Variants in ZNF385B observed in about 807,000 individuals in gnomAD.
ZNF385B encodes the protein zinc finger protein 533.
ZNF385B carries 23 observed loss-of-function variants against 39.2 expected under a neutral mutation model. The ratio of observed to expected loss-of-function variants is 0.59; its 90% CI spans 0.42 to 0.83. The LOEUF (loss-of-function observed/expected upper bound fraction) is 0.83, where lower values mean the gene tolerates loss of function less well. Ranked by LOEUF, ZNF385B falls within the 40% of genes least tolerant of loss-of-function variation. The pLI is 0.00. For synonymous variants in ZNF385B, 205 were observed against 222.6 expected, an observed-to-expected ratio of 0.92 and a Z score of 0.70; for missense variants, 552 against 598.9, an observed-to-expected ratio of 0.92 and a Z score of 0.82.
chr2:179,649,483 C>A (rs1217154254), intron 3 of ZNF385B, among the ~76,000 whole-genome samples: 1 of 152,004 alleles, frequency 6.6e-6, no homozygotes, highest in African/African-American at 2.4e-5. Context: ...AAAGAAAAAG[C>A]TTATTGGTTC....
At chr2:179,505,447 GAT>G (rs2057169072) in intron 5 of ZNF385B, among the ~76,000 whole-genome samples, 1 of 151,906 alleles carries the variant, frequency 6.6e-6, no homozygotes, top group African/African-American at 2.4e-5. Context: ...CCTCTCAAAT[GAT>G]ATAAGAAAGG....
At chr2:179,585,537 G>C (rs966943199) in intron 3 of ZNF385B, among the ~76,000 whole-genome samples, 13 of 152,154 alleles carry the variant, frequency 8.5e-5, no homozygotes, top group Admixed American at 6.5e-4. Flanking sequence ...AAGTTGAAAA[G>C]CAATGAATTC....
chr2:179,540,151 A>G (rs1486887173), intron 4 of ZNF385B, among the ~76,000 whole-genome samples: 3 of 152,216 alleles, frequency 2.0e-5, no homozygotes, highest in Non-Finnish European at 4.4e-5. Context: ...AGATTAAAAA[A>G]CAGTGACAGT....
intron 3 of ZNF385B, among the ~76,000 whole-genome samples, chr2:179,709,130 G>A (rs1699821697): frequency 6.6e-6 from 1 of 152,152 alleles, no homozygotes; most frequent in African/African-American, 2.4e-5. Context: ...TTATCATCTT[G>A]CCCCAGGAAT....
intron 3 of ZNF385B, among the ~76,000 whole-genome samples, chr2:179,688,369 C>T (rs945146755): frequency 1.3e-5 from 2 of 151,972 alleles, no homozygotes; most frequent in African/African-American, 4.8e-5. Context: ...AGCAGTAGTG[C>T]CCATCTGAAA....
intron 5 of ZNF385B, among the ~76,000 whole-genome samples, chr2:179,486,848 C>T (rs777998181): frequency 2.6e-5 from 4 of 152,016 alleles, no homozygotes; most frequent in African/African-American, 4.8e-5. Context: ...CCTGGGAAGT[C>T]GAGGCTGTAG....
At chr2:179,444,207 AG>A (rs2049244277) in intron 9 of ZNF385B, among the ~76,000 whole-genome samples, 1 of 152,236 alleles carries the variant, frequency 6.6e-6, no homozygotes, top group African/African-American at 2.4e-5. Context: ...AGAAGCTGGA[AG>A]GTAATCTCAG....
rs115869893 is a variant in ZNF385B, at chr2:179,831,732, G to A, written c.-155+29369C>T. 7.8e-3 allele frequency among the ~76,000 whole-genome samples: 1,187 copies of A among 152,200 alleles called. 16 individuals are homozygous for A. Among genetic ancestry groups the A allele is most frequent in the African/African-American group, 0.027 (1,107 of 41,522 alleles). On this transcript the variant is annotated intron_variant, in intron 1 of 9. Transcript: ENST00000410066. ...AGTCAGTTCAGCAGTAGCAAGTACT[G>A]GGTATTTGGGCAAAGGGTCCAAGCC... is the stretch of plus-strand genomic sequence containing the variant.
intron 3 of ZNF385B, among the ~76,000 whole-genome samples, chr2:179,747,190 A>G (rs1702430702): frequency 6.6e-6 from 1 of 152,148 alleles, no homozygotes; most frequent in African/African-American, 2.4e-5. Context: ...ACTAAGCAGC[A>G]CACATTTACG....
chr2:179,860,824 A>C (rs1684991590), intron 1 of ZNF385B: 1 of 462,082 alleles, frequency 2.2e-6, no homozygotes, highest in South Asian at 1.6e-5. Flanking sequence ...CCTGGGGAAC[A>C]GAGGAGTATG....
intron 3 of ZNF385B, among the ~76,000 whole-genome samples, chr2:179,553,598 C>T (rs749004890): frequency 6.7e-6 from 1 of 148,772 alleles, no homozygotes; most frequent in Non-Finnish European, 1.5e-5. Context: ...ATTAAAATCA[C>T]TCAGTATGTG....
At chr2:179,757,714 C>T (rs1217326371) in intron 3 of ZNF385B, among the ~76,000 whole-genome samples, 3 of 152,184 alleles carry the variant, frequency 2.0e-5, no homozygotes, top group Admixed American at 6.5e-5. Flanking sequence ...TCTCAGACTG[C>T]TGTGCTAGCA....
rs1028879228 is a variant in ZNF385B, at chr2:179,659,866, C to T, written c.298+109637G>A. 2.0e-5 allele frequency among the ~76,000 whole-genome samples: 3 copies of T among 152,138 alleles called. No homozygotes were observed. The East Asian group carries it at 5.8e-4, about 29-fold the overall frequency. ...AATACAGGTCAAATACTGATCATGA[C>T]TGCTTCTTTAACTTATATACACATT... On this transcript the variant is annotated intron_variant, in intron 3 of 9. Transcript: ENST00000410066.
At chr2:179,613,354 C>A (rs1230563245) in intron 3 of ZNF385B, among the ~76,000 whole-genome samples, 1 of 152,172 alleles carries the variant, frequency 6.6e-6, no homozygotes, top group Non-Finnish European at 1.5e-5. Flanking sequence ...CACCTGAAGC[C>A]AGCACATCTT....
chr2:179,506,070 C>G (rs902275428), intron 5 of ZNF385B, among the ~76,000 whole-genome samples: 1 of 152,072 alleles, frequency 6.6e-6, no homozygotes, highest in African/African-American at 2.4e-5. Flanking sequence ...CATGACGGAA[C>G]TTCCAATTCA....
intron 4 of ZNF385B, among the ~76,000 whole-genome samples, chr2:179,542,191 G>T (rs1295819952): frequency 6.6e-6 from 1 of 152,120 alleles, no homozygotes; most frequent in African/African-American, 2.4e-5. Flanking sequence ...TGTAGGAAAA[G>T]AATTAAGAGT....
At chr2:179,605,463 T>G (rs1259117516) in intron 3 of ZNF385B, among the ~76,000 whole-genome samples, 2 of 152,134 alleles carry the variant, frequency 1.3e-5, no homozygotes, top group Admixed American at 6.6e-5. Flanking sequence ...GACATGAGTT[T>G]GGAGTGTATT....
At chr2:179,774,700 G>GCCCACAGC (rs1009501055) in intron 1 of ZNF385B, among the ~76,000 whole-genome samples, 35 of 152,330 alleles carry the variant, frequency 2.3e-4, no homozygotes, top group African/African-American at 8.4e-4. Context: ...TGTGGGCTAA[G>GCCCACAGC]CCCACAGCTG....
chr2:179,666,909 G>A (rs77255588), intron 3 of ZNF385B, among the ~76,000 whole-genome samples: 14 of 148,760 alleles, frequency 9.4e-5, no homozygotes, highest in African/African-American at 3.2e-4. Context: ...TGTTGTTGTT[G>A]TTTTTTGTTT....
Sources: gnomAD v4.1 joint callset for allele counts (sites outside exome capture counted in the v4.1 genomes callset) on GRCh38, gnomAD v4.1.1 for gene constraint, MANE v1.5 for transcripts, NCBI Gene and HGNC (gene_info 2026-07-23, HGNC 2026-07-21) for gene names.